The following SCGN variants were observed in gnomAD, a reference collection of about 807,000 sequenced individuals.
SCGN encodes the protein secretagogin, EF-hand calcium binding protein, also known as secretagogin.
SCGN carries 30 observed loss-of-function variants against 39.7 expected under a neutral mutation model. The ratio of observed to expected loss-of-function variants is 0.76; its 90% confidence interval spans 0.57 to 1.03. The LOEUF (loss-of-function observed/expected upper bound fraction) is 1.03, where lower values mean the gene tolerates loss of function less well. Ranked by LOEUF, SCGN falls within the 50% of genes least tolerant of loss-of-function variation. The pLI, the probability that SCGN is intolerant of heterozygous loss-of-function variation, is 0.00. For missense variants in SCGN, 353 were observed against 349.4 expected (o/e 1.01, Z -0.08); for synonymous variants, 106 against 114.1 (o/e 0.93, Z 0.45).
At chr6:25,697,267 C>T (rs565186150) in intron 10 of SCGN, among the ~76,000 whole-genome samples, 2 of 152,168 alleles carry the variant, frequency 1.3e-5, no homozygotes, top group African/African-American at 4.8e-5. Context: ...TTCTGCCTGT[C>T]GCCTCAATGT....
chr6:25,697,379 G>T (rs1582591269), intron 10 of SCGN, among the ~76,000 whole-genome samples: 1 of 152,154 alleles, frequency 6.6e-6, no homozygotes, highest in East Asian at 1.9e-4. Context: ...TAAATATTTT[G>T]ATTGGTAGAG....
intron 2 of SCGN, among the ~76,000 whole-genome samples, chr6:25,655,533 G>T (rs779127404): frequency 6.6e-6 from 1 of 152,170 alleles, no homozygotes; most frequent in Non-Finnish European, 1.5e-5. Flanking sequence ...GAGGAAAGAG[G>T]ACAGCAAAGG....
At chr6:25,661,867 C>T (rs1271730347) in intron 3 of SCGN, among the ~76,000 whole-genome samples, 1 of 152,082 alleles carries the variant, frequency 6.6e-6, no homozygotes, top group African/African-American at 2.4e-5. Flanking sequence ...ATTCTTTTAT[C>T]ATTTTATTTA....
Position 25,669,966 on chromosome 6 carries a change from A to C in SCGN, c.394-33A>C, listed in dbSNP as rs757277222. ...GACCTTTGCAGTTTATTTGCTCACT[A>C]TATAAAGTATGATTCTTCTCTTGGC... is the stretch of plus-strand genomic sequence containing the variant. On this transcript the variant is annotated intron_variant, in intron 5 of 10. Coordinates refer to ENST00000377961, the MANE Select transcript of SCGN (RefSeq NM_006998.4). The C allele has an allele frequency of 2.6e-6, 4 of 1,548,276 alleles. No homozygotes were observed. In the South Asian group the frequency reaches 4.5e-5, roughly 17 times the overall value.
chr6:25,676,777 C>T (rs1759568201), intron 6 of SCGN, among the ~76,000 whole-genome samples: 1 of 58,868 alleles, frequency 1.7e-5, no homozygotes, highest in Non-Finnish European at 5.2e-5. Context: ...TTTTCCATCC[C>T]CTCTTCCATC....
chr6:25,688,150 A>T (rs1582586813), intron 7 of SCGN, among the ~76,000 whole-genome samples: 2 of 152,170 alleles, frequency 1.3e-5, no homozygotes, highest in Admixed American at 1.3e-4. Context: ...TTGGTTATAT[A>T]TTTACCGCTC....
intron 10 of SCGN, among the ~76,000 whole-genome samples, chr6:25,699,217 A>G (rs1759876562): frequency 6.6e-6 from 1 of 152,140 alleles, no homozygotes; most frequent in Non-Finnish European, 1.5e-5. Flanking sequence ...CTCTCTGTAC[A>G]TTGACTTTTA....
chr6:25,661,805 T>G (rs1760342952), intron 3 of SCGN, among the ~76,000 whole-genome samples, 161 bp downstream of exon 3: 1 of 152,224 alleles, frequency 6.6e-6, no homozygotes, highest in South Asian at 2.1e-4. Flanking sequence ...AGATAGCATT[T>G]TAAAAGTAAT....
intron 10 of SCGN, among the ~76,000 whole-genome samples, chr6:25,700,241 CAAA>C (rs34079471): frequency 9.9e-6 from 1 of 100,866 alleles, no homozygotes; most frequent in Non-Finnish European, 1.9e-5. Flanking sequence ...GACTTCGTCT[CAAA>C]AAAAAAAAAA....
chr6:25,701,455 G>A lies in SCGN; in HGVS notation c.*120G>A. The A allele has an allele frequency of 7.7e-7, 1 of 1,296,762 alleles. No individual in the cohort carries two copies. 80.3% of individuals were successfully genotyped at this position (1,296,762 alleles called of 1,614,324 possible). A position where few individuals can be genotyped will look rare whatever the true frequency, so the allele number is the denominator to read the frequency against. On this transcript the variant is annotated 3_prime_UTR_variant, in exon 11 of 11. Coordinates refer to ENST00000377961, the MANE Select transcript of SCGN (RefSeq NM_006998.4). ...ACTCACAAATGGTGTGCTATTCTTG[G>A]GCAAGAACAGGGACGCTAGGGCCTT...
Position 25,678,868 on chromosome 6 carries a change from C to T in SCGN, c.472-3083C>T, listed in dbSNP as rs116156290. ...GTCAGTGCTGTCTTCTTTGCCTTCC[C>T]CTTGTCTTCCTTGGCTGTCCCAGCA... On this transcript the variant is annotated intron_variant, in intron 6 of 10. Coordinates refer to ENST00000377961, the MANE Select transcript of SCGN (RefSeq NM_006998.4). The T allele has an allele frequency of 8.0e-3, 1,236 of 155,168 alleles. 15 individuals are homozygous for T. The highest frequency in any genetic ancestry group is 0.024 in the African/African-American group (982 of 41,410). The allele number at this position is 155,168 out of a possible 1,614,324, so 9.6% of individuals were successfully genotyped here.
intron 6 of SCGN, among the ~76,000 whole-genome samples, chr6:25,679,623 T>A (rs1312848186): frequency 6.6e-6 from 1 of 152,184 alleles, no homozygotes; most frequent in Non-Finnish European, 1.5e-5. Context: ...TTATATCTCT[T>A]GGTTTATAGT....
chr6:25,675,070 G>A (rs950945304), intron 6 of SCGN, among the ~76,000 whole-genome samples: 1 of 152,160 alleles, frequency 6.6e-6, no homozygotes, highest in Non-Finnish European at 1.5e-5. Context: ...TCCTGTATTA[G>A]GCTGACTTGT....
intron 4 of SCGN, among the ~76,000 whole-genome samples, chr6:25,668,675 G>T (rs2151378837): frequency 6.6e-6 from 1 of 151,106 alleles, no homozygotes; most frequent in African/African-American, 2.5e-5. Flanking sequence ...TCATAAAACT[G>T]CAGGCTTTGT....
chr6:25,677,623 T>C (rs1377309319), intron 6 of SCGN, among the ~76,000 whole-genome samples: 1 of 152,186 alleles, frequency 6.6e-6, no homozygotes, highest in Non-Finnish European at 1.5e-5. Flanking sequence ...TAGTCCTATT[T>C]GTCAAAAAAT....
chr6:25,694,843 A>C (rs1237221266), intron 10 of SCGN, among the ~76,000 whole-genome samples: 1 of 152,264 alleles, frequency 6.6e-6, no homozygotes, highest in South Asian at 2.1e-4. Context: ...GGCTTTATAA[A>C]CAGAGTCTTT....
intron 2 of SCGN, among the ~76,000 whole-genome samples, chr6:25,659,864 C>A (rs1474926703): frequency 6.6e-6 from 1 of 151,898 alleles, no homozygotes; most frequent in Non-Finnish European, 1.5e-5. Context: ...AAGTTCTTTG[C>A]CATATGCAAG....
chr6:25,696,531 G>A (rs1240832784), intron 10 of SCGN, among the ~76,000 whole-genome samples: 3 of 152,064 alleles, frequency 2.0e-5, no homozygotes, highest in Non-Finnish European at 4.4e-5. Context: ...CCATGTCTGC[G>A]ATTCAAAACA....
Position 25,661,439 on chromosome 6 carries a change from T to C in SCGN, c.154-113T>C, listed in dbSNP as rs1287887150. 5 of 729,118 alleles carry C rather than the reference T, an allele frequency of 6.9e-6. No individual in the cohort carries two copies. The African/African-American group carries it at 9.0e-5, about 13-fold the overall frequency. 45.2% of individuals were successfully genotyped at this position (729,118 alleles called of 1,614,324 possible). ...CACTTTAAATGGTCAAGGAACCTGC[T>C]TTCCATGTTTGAAAAACATAATTTT... On this transcript the variant is annotated intron_variant, in intron 2 of 10. Transcript: ENST00000377961.
Sources: gnomAD v4.1 joint callset for allele counts (sites outside exome capture counted in the v4.1 genomes callset) on GRCh38, gnomAD v4.1.1 for gene constraint, MANE v1.5 for transcripts, NCBI Gene and HGNC (gene_info 2026-07-23, HGNC 2026-07-21) for gene names.